The following NUP98 variants were observed in gnomAD, a reference collection of about 807,000 sequenced individuals.
NUP98 encodes the protein nucleoporin 98 and 96 precursor.
Under a neutral mutation model 191.9 loss-of-function variants are expected in NUP98, and 26 were observed. That is an observed-to-expected ratio of 0.14 (90% CI 0.10 to 0.19). The LOEUF is 0.19. Ranked by LOEUF, NUP98 falls within the 10% of genes least tolerant of loss-of-function variation. The pLI is 1.00. For missense variants in NUP98, 1,941 were observed against 2,178.8 expected, an observed-to-expected ratio of 0.89 and a Z score of 2.17; for synonymous variants, 808 against 778.4, an observed-to-expected ratio of 1.04 and a Z score of -0.63.
intron 31 of NUP98, among the ~76,000 whole-genome samples, chr11:3,679,193 T>G (rs1289359974): frequency 6.7e-6 from 1 of 149,878 alleles, no homozygotes; most frequent in South Asian, 2.1e-4. Flanking sequence ...TTTTAAAACA[T>G]GCCAAATGAT....
chr11:3,713,857 G>T lies in NUP98; in HGVS notation c.2538C>A (p.Phe846Leu). The change falls in exon 19 of 33, where the codon TTC becomes TTA. Residue 846 changes from phenylalanine to leucine, a missense_variant. This residue lies in a region of NUP98 where 95 missense variants were observed against 139.7 expected (regional missense o/e 0.68). Transcript: ENST00000324932. ...AACCAGTTTCAGGCCGGTATTCTTT[G>T]AATTGAGCTCCCTGTTTCCTTGAAA... Reference protein sequence around the residue: ...EAVSRKQGAQFKEYRPETGSW... With the variant: ...EAVSRKQGAQLKEYRPETGSW... 1 of 1,614,084 alleles carries T rather than the reference G, an allele frequency of 6.2e-7. No homozygotes were observed. The highest frequency in any genetic ancestry group is 8.5e-7 in the Non-Finnish European group (1 of 1,179,994).
At chr11:3,707,207 C>T (rs1251319594) in intron 20 of NUP98, among the ~76,000 whole-genome samples, 1 of 152,056 alleles carries the variant, frequency 6.6e-6, no homozygotes, top group Admixed American at 6.6e-5. Context: ...TTCCAAAAAA[C>T]AAAGTAATAA....
chr11:3,740,340 A>G (rs1409313851), intron 12 of NUP98, among the ~76,000 whole-genome samples: 3 of 152,032 alleles, frequency 2.0e-5, no homozygotes, highest in Non-Finnish European at 1.5e-5. Flanking sequence ...GTGAAACCCA[A>G]TACCTACTAA....
chr11:3,699,195 G>C lies in NUP98; in HGVS notation c.3896C>G (p.Pro1299Arg). The C allele has an allele frequency of 6.2e-7, 1 of 1,614,142 alleles. No homozygotes were observed. The highest frequency in any genetic ancestry group is 8.5e-7 in the Non-Finnish European group (1 of 1,180,018). ...TAAGGAGACTTCCTCTTCAATCTGAGGTGTGGCAGTACAGGATAGCCAGCG... is the reference window on the plus strand; with the variant it reads ...TAAGGAGACTTCCTCTTCAATCTGACGTGTGGCAGTACAGGATAGCCAGCG... ...FSRWLSCTAT[P>R]QIEEEVSLTQ... The change falls in exon 25 of 33, where the codon CCT (proline) becomes CGT (arginine). Residue 1299 changes from proline (P) to arginine (R), a missense_variant. By Grantham distance (103) the Pro-to-Arg change is moderately radical (BLOSUM62 -2). This residue lies in a region of NUP98 where 1,030 missense variants were observed against 1,115.8 expected (regional missense o/e 0.92). Transcript: ENST00000324932.
intron 12 of NUP98, among the ~76,000 whole-genome samples, chr11:3,740,824 ATT>A (rs1368034600): frequency 6.8e-6 from 1 of 147,842 alleles, no homozygotes; most frequent in Admixed American, 6.8e-5. Flanking sequence ...ATATATATAT[ATT>A]TTTTTTTTTG....
chr11:3,727,724 G>A (rs183020220), intron 14 of NUP98, among the ~76,000 whole-genome samples: 10,559 of 152,120 alleles, frequency 0.069, 383 homozygotes, highest in Middle Eastern at 0.1. Flanking sequence ...CGACTCTACA[G>A]AAAATTTTTT....
intron 12 of NUP98, among the ~76,000 whole-genome samples, chr11:3,739,590 A>G (rs1462148583): frequency 6.6e-6 from 1 of 152,172 alleles, no homozygotes; most frequent in East Asian, 1.9e-4. Context: ...CACAGAGATC[A>G]ATGAAAACTC....
intron 16 of NUP98, 63 bp downstream of exon 16, chr11:3,723,094 G>C (rs1299034538): frequency 7.4e-6 from 11 of 1,478,938 alleles, no homozygotes; most frequent in Middle Eastern, 1.8e-4. Context: ...TTGAATATCT[G>C]CAACAAGCAA....
rs761415349 is a variant in NUP98, at chr11:3,679,642, C to T, written c.4985G>A (p.Arg1662His). The change falls in exon 31 of 33, where the codon CGC becomes CAC. Residue 1662 changes from arginine to histidine, a missense_variant. Coordinates refer to ENST00000324932, the MANE Select transcript of NUP98 (RefSeq NM_016320.5). ...GFLEDLAPPE[R>H]SSLIQDWETS... ...TTCCCAATCCTGAATTAGGCTGCTG[C>T]GCTCTGGAGGTGCCAGGTCTTCCAA... 2.4e-5 allele frequency: 38 copies of T among 1,614,044 alleles called. No homozygotes were observed. The highest frequency in any genetic ancestry group is 1.1e-4 in the South Asian group (10 of 91,090).
At chr11:3,732,818 T>C (rs556649983) in intron 13 of NUP98, among the ~76,000 whole-genome samples, 1 of 152,348 alleles carries the variant, frequency 6.6e-6, no homozygotes, top group South Asian at 2.1e-4. Flanking sequence ...TCAGAATTTA[T>C]TCTTCTCTTC....
intron 13 of NUP98, among the ~76,000 whole-genome samples, chr11:3,734,043 T>G (rs1350614724): frequency 2.6e-5 from 4 of 151,868 alleles, no homozygotes; most frequent in Non-Finnish European, 5.9e-5. Context: ...CATTTCTCTT[T>G]TTTTTTTTTG....
At chr11:3,688,164 G>C (rs2078186196) in intron 28 of NUP98, among the ~76,000 whole-genome samples, 1 of 152,126 alleles carries the variant, frequency 6.6e-6, no homozygotes, top group South Asian at 2.1e-4. Flanking sequence ...CAGCACTCTG[G>C]GAGGCTGAGG....
At chr11:3,688,478 A>C (rs2078196841) in intron 28 of NUP98, among the ~76,000 whole-genome samples, 1 of 151,740 alleles carries the variant, frequency 6.6e-6, no homozygotes, top group Non-Finnish European at 1.5e-5. Context: ...TACAATAAAA[A>C]GCTACATTCT....
At position 3,731,511 on chromosome 11, in the gene NUP98, G is replaced by A; in HGVS notation, c.1610C>T (p.Pro537Leu). 2 of 1,608,028 alleles carry A rather than the reference G, an allele frequency of 1.2e-6. No homozygotes were observed. The highest frequency in any genetic ancestry group is 2.2e-5 in the East Asian group (1 of 44,674). Reference protein sequence around the residue: ...LTTPTHYKLTPRPATRVRPKA... With the variant: ...LTTPTHYKLTLRPATRVRPKA... ...TGGCCGGACTCTAGTGGCAGGGCGG[G>A]GTGTCAGTTTATAATGAGTAGGTGT... The change falls in exon 14 of 33, where the codon CCC becomes CTC. Residue 537 changes from proline to leucine, a missense_variant. This residue lies in a region of NUP98 where 453 missense variants were observed against 438.2 expected (regional missense o/e 1.03). Transcript: ENST00000324932.
At chr11:3,731,608 T>C in intron 13 of NUP98, 30 bp from the exon 14 acceptor site, 8 of 1,493,294 alleles carry the variant, frequency 5.4e-6, no homozygotes, top group African/African-American at 1.4e-5. Context: ...AGGAAATTTT[T>C]GGTTTACTTT....
chr11:3,729,756 A>G (rs1393180970), intron 14 of NUP98, among the ~76,000 whole-genome samples: 1 of 147,598 alleles, frequency 6.8e-6, no homozygotes, highest in African/African-American at 2.5e-5. Context: ...GACGTTTGAC[A>G]GCAACACCAC....
At chr11:3,740,139 G>A (rs537817660) in intron 12 of NUP98, among the ~76,000 whole-genome samples, 112 of 152,228 alleles carry the variant, frequency 7.4e-4, no homozygotes, top group Non-Finnish European at 1.4e-3. Flanking sequence ...ATCTACCTTG[G>A]AGAATCCCAG....
intron 1 of NUP98, among the ~76,000 whole-genome samples, chr11:3,796,535 C>T (rs775757193): frequency 1.3e-5 from 2 of 152,262 alleles, no homozygotes; most frequent in African/African-American, 2.4e-5. Flanking sequence ...TTCCACCTTA[C>T]CCGTGAACAG....
At chr11:3,728,463 C>T (rs559244223) in intron 14 of NUP98, among the ~76,000 whole-genome samples, 2 of 152,286 alleles carry the variant, frequency 1.3e-5, no homozygotes, top group South Asian at 4.1e-4. Flanking sequence ...GGGCTGGGTG[C>T]GGCGGCTCAC....
Sources: gnomAD v4.1 joint callset for allele counts (sites outside exome capture counted in the v4.1 genomes callset) on GRCh38, gnomAD v4.1.1 for gene constraint, gnomAD v4.1.1 regional missense constraint, MANE v1.5 for transcripts, NCBI Gene and HGNC (gene_info 2026-07-23, HGNC 2026-07-21) for gene names.